The following ELAVL4 variants were observed in gnomAD, a reference collection of about 807,000 sequenced individuals.
ELAVL4 encodes the protein ELAV-like protein 4.
In ELAVL4, 1 loss-of-function variant was observed where a neutral mutation model predicts 35.6. That is an observed-to-expected ratio of 0.03 (90% CI 0.01 to 0.13). The LOEUF is 0.13. ELAVL4 is among the 10% of genes least tolerant of loss of function. ELAVL4 has a pLI of 1.00. For missense variants in ELAVL4, 267 were observed against 464.9 expected (o/e 0.57, Z 3.91); for synonymous variants, 156 against 171.0 (o/e 0.91, Z 0.69).
chr1:50,201,521 G>C lies in ELAVL4; in HGVS notation c.*343G>C, dbSNP rs1644393973. 6.4e-6 allele frequency: 1 copy of C among 157,152 alleles called. No homozygotes were observed. The highest frequency in any genetic ancestry group is 2.4e-5 in the African/African-American group (1 of 41,532). 9.7% of individuals were successfully genotyped at this position (157,152 alleles called of 1,614,324 possible). On this transcript the variant is annotated 3_prime_UTR_variant, in exon 7 of 7. Coordinates refer to ENST00000371824, the MANE Select transcript of ELAVL4 (RefSeq NM_001144774.3). The surrounding 1 kb of genome is among the most constrained non-coding windows in gnomAD (Gnocchi z 4.3). ...GCCAGCTAACTTTACTACCTTCCTT[G>C]AAGGTGGATCTTTTTAAGATGACCA...
rs550759709 is a variant in ELAVL4, at chr1:50,114,735, G to A, written c.9+5537G>A. ...CACACCTTTAATTATATCCAGTTTG[G>A]GATGCTAGCTGGGGGCACCACAGAT... On this transcript the variant is annotated intron_variant, in intron 1 of 6. Transcript: ENST00000371824. Among the ~76,000 whole-genome samples, 4 of 152,032 alleles carry A rather than the reference G, an allele frequency of 2.6e-5. No homozygotes were observed. In the East Asian group the frequency reaches 5.8e-4, roughly 22 times the overall value.
chr1:50,102,026 G>A (rs182090059), upstream of ELAVL4, among the ~76,000 whole-genome samples: 64 of 152,256 alleles, frequency 4.2e-4, 1 homozygote, highest in East Asian at 0.011. Context: ...GGTGGCTCAC[G>A]CCTGTAATCC....
intron 2 of ELAVL4, among the ~76,000 whole-genome samples, chr1:50,162,074 G>A (rs1029920920): frequency 6.6e-6 from 1 of 152,180 alleles, no homozygotes; most frequent in African/African-American, 2.4e-5. Context: ...GGGCTTTGGA[G>A]CTGGATGGAT....
intron 1 of ELAVL4, among the ~76,000 whole-genome samples, chr1:50,135,131 C>T (rs1322064356): frequency 6.6e-6 from 1 of 152,086 alleles, no homozygotes; most frequent in Non-Finnish European, 1.5e-5. Context: ...CCCTGACTAC[C>T]ACCACTGAGA....
chr1:50,176,815 C>T lies in ELAVL4; in HGVS notation c.251-274C>T, dbSNP rs540778571. On this transcript the variant is annotated intron_variant, in intron 2 of 6. Transcript: ENST00000371824. ...CCTGATTATGTGGACACTTGTGTAT[C>T]TCTTGTGTGGCTGTGCAGGGGCACT... is the stretch of plus-strand genomic sequence containing the variant. Among the ~76,000 whole-genome samples the T allele has an allele frequency of 3.9e-5, 6 of 152,348 alleles. No homozygotes were observed. In the South Asian group the frequency reaches 1.2e-3, roughly 32 times the overall value.
intron 6 of ELAVL4, among the ~76,000 whole-genome samples, chr1:50,198,150 T>C (rs936149451): frequency 5.9e-5 from 9 of 152,348 alleles, no homozygotes; most frequent in Non-Finnish European, 1.2e-4. Context: ...GCTGTTCCTG[T>C]CACTGAAAGG....
chr1:50,048,182 G>A, exon 1 of ELAVL4: 3 of 1,522,340 alleles, frequency 2.0e-6, no homozygotes, highest in Non-Finnish European at 2.6e-6. Flanking sequence ...TCAAGAACCA[G>A]GTAGAAGCGC....
chr1:50,191,463 C>T (rs955355376), intron 3 of ELAVL4, among the ~76,000 whole-genome samples: 1 of 152,150 alleles, frequency 6.6e-6, no homozygotes, highest in African/African-American at 2.4e-5. Flanking sequence ...ATATCAACAT[C>T]ATTTCTCATG....
chr1:50,199,360 C>G (rs894816561), intron 6 of ELAVL4, among the ~76,000 whole-genome samples: 1 of 152,136 alleles, frequency 6.6e-6, no homozygotes, highest in Non-Finnish European at 1.5e-5. Flanking sequence ...TCTCCTTTTC[C>G]TATCTCCCCC....
Position 50,177,042 on chromosome 1 carries a change from G to C in ELAVL4, c.251-47G>C, listed in dbSNP as rs201996600. ...GCTCTCTCTCTCTCTCTTTCTCTCT[G>C]TCTGTCTCTCTCTCCCTTTCTCTCT... On this transcript the variant is annotated intron_variant, in intron 2 of 6. Coordinates refer to ENST00000371824, the MANE Select transcript of ELAVL4 (RefSeq NM_001144774.3). The C allele has an allele frequency of 1.2e-5, 18 of 1,493,194 alleles. No individual in the cohort carries two copies. The East Asian group carries it at 4.1e-4, about 34-fold the overall frequency. 92.5% of individuals were successfully genotyped at this position (1,493,194 alleles called of 1,614,324 possible). A position where few individuals can be genotyped will look rare whatever the true frequency, so the allele number is the denominator to read the frequency against.
At chr1:50,052,065 G>C (rs954529950) in intron 1 of ELAVL4, among the ~76,000 whole-genome samples, 1 of 152,002 alleles carries the variant, frequency 6.6e-6, no homozygotes, top group Admixed American at 6.6e-5. Flanking sequence ...TTTTTTAAAG[G>C]CCCTATATGA....
At chr1:50,114,454 AG>A in intron 1 of ELAVL4, among the ~76,000 whole-genome samples, 1 of 151,894 alleles carries the variant, frequency 6.6e-6, no homozygotes, top group East Asian at 1.9e-4. Flanking sequence ...TGGCTTTCTA[AG>A]GGTAAAAAAA....
chr1:50,091,186 T>C (rs1046264743), intron 1 of ELAVL4, among the ~76,000 whole-genome samples: 2 of 152,250 alleles, frequency 1.3e-5, no homozygotes, highest in African/African-American at 4.8e-5. Flanking sequence ...TCATGAATTG[T>C]TCTTCCAGCT....
intron 3 of ELAVL4, among the ~76,000 whole-genome samples, chr1:50,190,886 T>C (rs1273540996): frequency 6.6e-6 from 1 of 152,206 alleles, no homozygotes; most frequent in Non-Finnish European, 1.5e-5. Context: ...TTTGTCCTCG[T>C]GACAGAGGAA....
At chr1:50,130,856 G>T (rs545070879) in intron 1 of ELAVL4, among the ~76,000 whole-genome samples, 4 of 152,190 alleles carry the variant, frequency 2.6e-5, no homozygotes, top group Admixed American at 2.6e-4. Context: ...CTCCAATGAA[G>T]TACTAAATTA....
chr1:50,197,582 T>C (rs1338473407), intron 6 of ELAVL4, 115 bp downstream of exon 6: 11 of 906,540 alleles, frequency 1.2e-5, no homozygotes, highest in Non-Finnish European at 1.7e-5. Context: ...TCCTTTTTCT[T>C]CCACCAGCAT....
intron 2 of ELAVL4, among the ~76,000 whole-genome samples, chr1:50,155,173 C>G (rs1377728425): frequency 9.2e-6 from 1 of 108,352 alleles, no homozygotes; most frequent in Admixed American, 1.2e-4. Context: ...TCCCTCCCCC[C>G]TCCCCCCACC....
chr1:50,165,895 G>A (rs553971058), intron 2 of ELAVL4, among the ~76,000 whole-genome samples: 13 of 151,766 alleles, frequency 8.6e-5, no homozygotes, highest in African/African-American at 2.4e-4. Flanking sequence ...TCCCGCAATC[G>A]GTTGTCTGCA....
chr1:50,106,305 G>GT, upstream of ELAVL4: 4 of 1,612,980 alleles, frequency 2.5e-6, no homozygotes, highest in Non-Finnish European at 3.4e-6. Context: ...CCTTTGGGAT[G>GT]TGTGCATGGT....
Sources: allele counts gnomAD v4.1 joint callset (sites outside exome capture counted in the v4.1 genomes callset), GRCh38; gene constraint gnomAD v4.1.1; non-coding constraint Gnocchi (gnomAD v3.1); transcripts MANE v1.5; gene names NCBI Gene and HGNC (gene_info 2026-07-23, HGNC 2026-07-21).